Variants in ASAP3 observed in about 807,000 individuals in gnomAD.
ASAP3 encodes the protein ArfGAP with SH3 domain, ankyrin repeat and PH domain 3.
Under a neutral mutation model 118.2 loss-of-function variants are expected in ASAP3, and 85 were observed. The observed-to-expected ratio is 0.72, with a 90% CI of 0.60 to 0.86. The LOEUF (loss-of-function observed/expected upper bound fraction) is 0.86. ASAP3 is among the 40% of genes least tolerant of loss of function. The pLI, the probability that ASAP3 is intolerant of heterozygous loss-of-function variation, is 0.00. For synonymous variants in ASAP3, 432 were observed against 477.4 expected, an observed-to-expected ratio of 0.90 and a Z score of 1.24; for missense variants, 1,026 against 1,175.0, an observed-to-expected ratio of 0.87 and a Z score of 1.85.
chr1:23,442,030 T>A lies in ASAP3; in HGVS notation c.671+156A>T, dbSNP rs562298722. Among the ~76,000 whole-genome samples, 4 of 152,336 alleles carry A rather than the reference T, an allele frequency of 2.6e-5. No individual in the cohort carries two copies. The East Asian group carries it at 7.7e-4, about 29-fold the overall frequency. On this transcript the variant is annotated intron_variant, in intron 7 of 24. Transcript: ENST00000336689. The stretch of plus-strand genomic sequence containing the variant: ...CGAATTGATGTTTGTAAAGTACTCA[T>A]GCCTGACACCCGGTGAGCACTCAAT...
chr1:23,449,152 C>T (rs934547515), intron 5 of ASAP3, among the ~76,000 whole-genome samples: 3 of 152,218 alleles, frequency 2.0e-5, no homozygotes, highest in African/African-American at 7.2e-5. Flanking sequence ...AGGGTAAATG[C>T]TACCAGCAGA....
chr1:23,434,523 A>C lies in ASAP3; in HGVS notation c.1835+10T>G. 6.2e-7 allele frequency: 1 copy of C among 1,613,910 alleles called. No homozygotes were observed. ...TGAGGAGCCAGACAGACAGGCAGGG[A>C]GGCTCTCACCCGTTCTGGATGATGA... On this transcript the variant is annotated intron_variant, in intron 18 of 24. Transcript: ENST00000336689.
chr1:23,464,751 G>C (rs545139870), intron 1 of ASAP3, among the ~76,000 whole-genome samples: 1 of 150,962 alleles, frequency 6.6e-6, no homozygotes, highest in African/African-American at 2.4e-5. Context: ...GATTCTCAAG[G>C]TGGGGGCCCT....
intron 5 of ASAP3, among the ~76,000 whole-genome samples, chr1:23,447,332 C>G (rs1383509463): frequency 6.6e-6 from 1 of 152,188 alleles, no homozygotes; most frequent in East Asian, 1.9e-4. Flanking sequence ...AGTAGTGATG[C>G]TACTATGTTC....
chr1:23,452,602 T>G, intron 4 of ASAP3, 95 bp downstream of exon 4: 1 of 1,358,374 alleles, frequency 7.4e-7, no homozygotes, highest in Non-Finnish European at 1.0e-6. Flanking sequence ...CCCCTTCACC[T>G]GGCCTCCACC....
intron 1 of ASAP3, among the ~76,000 whole-genome samples, chr1:23,473,971 G>GTT (rs1642037037): frequency 2.2e-5 from 2 of 89,618 alleles, no homozygotes; most frequent in South Asian, 1.0e-3. Context: ...CATTAAATCT[G>GTT]CTCTTTTTTT....
At chr1:23,444,020 G>A (rs922525747) in intron 5 of ASAP3, among the ~76,000 whole-genome samples, 5 of 151,814 alleles carry the variant, frequency 3.3e-5, no homozygotes, top group Admixed American at 1.3e-4. Context: ...ACCGTGCCTG[G>A]CCAACACCCA....
upstream of ASAP3, chr1:23,484,216 G>A (rs1307147644): frequency 6.7e-6 from 8 of 1,191,280 alleles, no homozygotes; most frequent in South Asian, 1.3e-4. Flanking sequence ...ACCGCCGGCC[G>A]GGGGCGCCGT....
chr1:23,441,366 T>C (rs1640867713), intron 9 of ASAP3, 21 bp downstream of exon 9: 1 of 1,613,476 alleles, frequency 6.2e-7, no homozygotes, highest in East Asian at 2.2e-5. Context: ...GCATTCCTTT[T>C]GGGATAGTTC....
At chr1:23,463,573 T>C (rs1300250285) in intron 1 of ASAP3, among the ~76,000 whole-genome samples, 1 of 152,156 alleles carries the variant, frequency 6.6e-6, no homozygotes, top group African/African-American at 2.4e-5. Context: ...TTTTCTAAAC[T>C]TCCTCTCCTT....
At chr1:23,477,625 A>G (rs1642174673) in intron 1 of ASAP3, among the ~76,000 whole-genome samples, 2 of 152,108 alleles carry the variant, frequency 1.3e-5, no homozygotes, top group African/African-American at 4.8e-5. Flanking sequence ...AGGACCCAGA[A>G]CAAACCTCAA....
At chr1:23,465,485 CT>C (rs1029077277) in intron 1 of ASAP3, among the ~76,000 whole-genome samples, 3 of 152,012 alleles carry the variant, frequency 2.0e-5, no homozygotes, top group African/African-American at 7.2e-5. Context: ...AGAGCTGTAA[CT>C]TTTTTTCTTT....
upstream of ASAP3, chr1:23,484,297 C>G (rs1279568549): frequency 1.5e-6 from 1 of 670,092 alleles, no homozygotes; most frequent in Non-Finnish European, 2.0e-6. Flanking sequence ...CGCTCCTCAG[C>G]TGGGACGGCC....
chr1:23,447,182 G>C (rs1467290120), intron 5 of ASAP3, among the ~76,000 whole-genome samples: 1 of 152,184 alleles, frequency 6.6e-6, no homozygotes, highest in African/African-American at 2.4e-5. Flanking sequence ...CCATGGCCCA[G>C]GGGTTGAGGA....
chr1:23,472,648 C>T (rs1050459049), intron 1 of ASAP3, among the ~76,000 whole-genome samples: 14 of 152,210 alleles, frequency 9.2e-5, no homozygotes, highest in Admixed American at 7.9e-4. Flanking sequence ...TCTCAACACT[C>T]ACTCATGGTA....
Position 23,484,077 on chromosome 1 carries a change from G to A in ASAP3, c.57C>T (p.Ser19=). Residue 19 remains serine, a synonymous_variant, in exon 1 of 25, where the codon AGC becomes AGT. Coordinates refer to ENST00000336689, the MANE Select transcript of ASAP3 (RefSeq NM_017707.4). ...EFLAVTAEDL[S]SPAGAAAFAA... Reference sequence around the variant, plus strand: ...CGAAGGCGGCGGCCCCAGCCGGGGAGCTGAGGTCCTCCGCGGTGACGGCCA... The same window carrying A: ...CGAAGGCGGCGGCCCCAGCCGGGGAACTGAGGTCCTCCGCGGTGACGGCCA... 3 of 1,350,790 alleles carry A rather than the reference G, an allele frequency of 2.2e-6. No individual in the cohort carries two copies. Among genetic ancestry groups the A allele is most frequent in the Non-Finnish European group, 1.9e-6 (2 of 1,052,894 alleles). The allele number at this position is 1,350,790 out of a possible 1,614,324, so 83.7% of individuals were successfully genotyped here.
At chr1:23,430,989 A>G in intron 24 of ASAP3, 46 bp downstream of exon 24, 1 of 1,482,788 alleles carries the variant, frequency 6.7e-7, no homozygotes. Flanking sequence ...TCTGCCTCCC[A>G]GGCACCCTGC....
intron 5 of ASAP3, among the ~76,000 whole-genome samples, chr1:23,444,793 T>C (rs1195634511): frequency 6.6e-6 from 1 of 152,148 alleles, no homozygotes; most frequent in Non-Finnish European, 1.5e-5. Flanking sequence ...TAGAGCAGTT[T>C]CTCAACCATG....
At chr1:23,471,269 T>C (rs74062722) in intron 1 of ASAP3, among the ~76,000 whole-genome samples, 5,344 of 152,254 alleles carry the variant, frequency 0.035, 280 homozygotes, top group African/African-American at 0.12. Flanking sequence ...CACTTCATCT[T>C]TCCCGACTCA....
Sources: gnomAD v4.1 joint callset for allele counts (sites outside exome capture counted in the v4.1 genomes callset) on GRCh38, gnomAD v4.1.1 for gene constraint, MANE v1.5 for transcripts, NCBI Gene and HGNC (gene_info 2026-07-23, HGNC 2026-07-21) for gene names.